Variants in DENND1A observed in about 807,000 individuals in gnomAD.
DENND1A encodes the protein DENN domain containing 1A.
DENND1A carries 51 observed loss-of-function variants against 113.7 expected under a neutral mutation model. That is an observed-to-expected ratio of 0.45 (90% CI 0.36 to 0.57). The LOEUF (loss-of-function observed/expected upper bound fraction) is 0.57, where lower values mean the gene tolerates loss of function less well. Ranked by LOEUF, DENND1A falls within the 20% of genes least tolerant of loss-of-function variation. DENND1A has a pLI of 0.00. For missense variants in DENND1A, 1,258 were observed against 1,395.9 expected (o/e 0.90, Z 1.57); for synonymous variants, 565 against 570.8 (o/e 0.99, Z 0.14).
chr9:123,503,780 T>G (rs1166821421), intron 13 of DENND1A, among the ~76,000 whole-genome samples: 1 of 152,214 alleles, frequency 6.6e-6, no homozygotes, highest in Non-Finnish European at 1.5e-5. Context: ...AGAGCTCCAG[T>G]GCATCTCCCC....
chr9:123,397,315 C>T (rs774434581), intron 21 of DENND1A, among the ~76,000 whole-genome samples: 2 of 152,090 alleles, frequency 1.3e-5, no homozygotes, highest in South Asian at 4.1e-4. Context: ...CAACCAAGAC[C>T]GGCTGATTTT....
chr9:123,903,627 T>C (rs189782096), intron 1 of DENND1A, among the ~76,000 whole-genome samples: 26 of 152,100 alleles, frequency 1.7e-4, no homozygotes, highest in African/African-American at 2.7e-4. Context: ...ACCTGGAAAA[T>C]TGGGTCACTC....
intron 19 of DENND1A, among the ~76,000 whole-genome samples, chr9:123,419,483 A>G (rs754482814): frequency 6.6e-6 from 1 of 152,246 alleles, no homozygotes; most frequent in Non-Finnish European, 1.5e-5. Flanking sequence ...CAAATTCACA[A>G]TTAAACTCTG....
At chr9:123,458,846 A>G (rs1313011604) in intron 13 of DENND1A, among the ~76,000 whole-genome samples, 2 of 152,168 alleles carry the variant, frequency 1.3e-5, no homozygotes, top group South Asian at 2.1e-4. Context: ...CTGTAATCCC[A>G]GTTACTTAGG....
At chr9:123,775,480 T>C (rs192521013) in intron 3 of DENND1A, among the ~76,000 whole-genome samples, 5 of 152,146 alleles carry the variant, frequency 3.3e-5, no homozygotes, top group South Asian at 2.1e-4. Flanking sequence ...CATGATTTCA[T>C]TGAAGAGGCA....
chr9:123,857,176 C>G (rs1444768931), intron 2 of DENND1A, among the ~76,000 whole-genome samples: 1 of 151,862 alleles, frequency 6.6e-6, no homozygotes, highest in African/African-American at 2.4e-5. Flanking sequence ...GATTTCATGG[C>G]TAAGGAAAAG....
intron 5 of DENND1A, among the ~76,000 whole-genome samples, chr9:123,701,891 T>G (rs138739559): frequency 6.6e-6 from 1 of 152,202 alleles, no homozygotes; most frequent in Non-Finnish European, 1.5e-5. Context: ...ACTTCTTCAA[T>G]GTACAGAAGG....
chr9:123,554,586 T>G (rs1184215018), intron 13 of DENND1A, among the ~76,000 whole-genome samples: 1 of 152,226 alleles, frequency 6.6e-6, no homozygotes, highest in Non-Finnish European at 1.5e-5. Flanking sequence ...TGAAGCTTGG[T>G]TGGAAAATTC....
At chr9:123,848,049 C>A (rs1842848808) in intron 2 of DENND1A, among the ~76,000 whole-genome samples, 1 of 151,470 alleles carries the variant, frequency 6.6e-6, no homozygotes, top group Non-Finnish European at 1.5e-5. Context: ...AAATACACAA[C>A]AATAAAAACC....
intron 2 of DENND1A, among the ~76,000 whole-genome samples, chr9:123,848,141 A>G (rs1164314027): frequency 1.3e-5 from 2 of 151,174 alleles, no homozygotes; most frequent in Admixed American, 1.3e-4. Flanking sequence ...GATGCCAATT[A>G]AAGTTAAATA....
At chr9:123,913,998 C>T (rs1456075071) in intron 1 of DENND1A, among the ~76,000 whole-genome samples, 1 of 151,726 alleles carries the variant, frequency 6.6e-6, no homozygotes, top group Non-Finnish European at 1.5e-5. Flanking sequence ...ATGGTCAGGT[C>T]CGAGAACTAT....
intron 13 of DENND1A, among the ~76,000 whole-genome samples, chr9:123,538,175 A>T (rs753135395): frequency 1.4e-4 from 22 of 152,222 alleles, no homozygotes; most frequent in Admixed American, 7.2e-4. Context: ...GTAATTCTGG[A>T]GTATTTTATT....
intron 17 of DENND1A, among the ~76,000 whole-genome samples, chr9:123,451,459 A>G (rs1322789466): frequency 1.3e-5 from 2 of 152,196 alleles, no homozygotes; most frequent in Non-Finnish European, 1.5e-5. Context: ...GTGCTCTCCT[A>G]TTTTCACTCC....
chr9:123,627,126 C>G (rs1213322867), intron 10 of DENND1A, among the ~76,000 whole-genome samples: 1 of 152,212 alleles, frequency 6.6e-6, no homozygotes, highest in Admixed American at 6.5e-5. Context: ...AGAAGGAGGG[C>G]AAGCCAAGGT....
At position 123,381,112 on chromosome 9, in the gene DENND1A, A is replaced by C; in HGVS notation, c.*320T>G. On this transcript the variant is annotated 3_prime_UTR_variant, in exon 24 of 24. Coordinates refer to ENST00000394215, the MANE Select transcript of DENND1A (RefSeq NM_001352964.2). This position sits in a 1 kb window ranked among gnomAD's most constrained non-coding sequence, Gnocchi z 4.7. ...GGGACACTTCCGGGGGAAGGTGGGT[A>C]GGACTCGGTCTGGAGCAATATCATT... is the stretch of plus-strand genomic sequence containing the variant. 3 of 320,958 alleles carry C rather than the reference A, an allele frequency of 9.3e-6. No individual in the cohort carries two copies. Among genetic ancestry groups the C allele is most frequent in the Non-Finnish European group, 1.2e-5 (2 of 170,928 alleles). 19.9% of individuals were successfully genotyped at this position (320,958 alleles called of 1,614,324 possible).
At chr9:123,446,135 T>C (rs1298599609) in intron 18 of DENND1A, among the ~76,000 whole-genome samples, 1 of 152,136 alleles carries the variant, frequency 6.6e-6, no homozygotes, top group East Asian at 1.9e-4. Context: ...TGTGGGGGAG[T>C]TGAAAGGCCC....
intron 1 of DENND1A, among the ~76,000 whole-genome samples, chr9:123,898,279 T>C (rs961314847): frequency 1.3e-5 from 2 of 152,194 alleles, no homozygotes; most frequent in Non-Finnish European, 2.9e-5. Flanking sequence ...TATTGGATTG[T>C]CTTATTGAGT....
chr9:123,717,681 A>G (rs2067068173), intron 5 of DENND1A, among the ~76,000 whole-genome samples: 1 of 152,228 alleles, frequency 6.6e-6, no homozygotes, highest in Non-Finnish European at 1.5e-5. Context: ...AGGCTTTTAT[A>G]TCTTGTTCAC....
intron 11 of DENND1A, among the ~76,000 whole-genome samples, chr9:123,591,396 A>G (rs2059448988): frequency 6.6e-6 from 1 of 152,224 alleles, no homozygotes. Flanking sequence ...GGGGGATCTG[A>G]AGAGTGGCCA....
Sources: allele counts gnomAD v4.1 joint callset (sites outside exome capture counted in the v4.1 genomes callset), GRCh38; gene constraint gnomAD v4.1.1; non-coding constraint Gnocchi (gnomAD v3.1); transcripts MANE v1.5; gene names NCBI Gene and HGNC (gene_info 2026-07-23, HGNC 2026-07-21).